The following NFIA variants were observed in gnomAD, a reference collection of about 807,000 sequenced individuals.
The protein encoded by NFIA is nuclear factor I A, also known as nuclear factor 1 A-type.
In NFIA, 8 loss-of-function variants were observed where a neutral mutation model predicts 62.8. The ratio of observed to expected loss-of-function variants is 0.13; its 90% CI spans 0.07 to 0.23. The LOEUF (loss-of-function observed/expected upper bound fraction) is 0.23. Among genes scored for constraint, NFIA ranks in the 10% least tolerant of loss-of-function variants. NFIA has a pLI of 1.00. For synonymous variants in NFIA, 235 were observed against 238.1 expected (o/e 0.99, Z 0.12); for missense variants, 410 against 642.1 (o/e 0.64, Z 3.91).
chr1:61,338,169 G>A (rs1661714599), intron 4 of NFIA, among the ~76,000 whole-genome samples: 1 of 152,204 alleles, frequency 6.6e-6, no homozygotes, highest in South Asian at 2.1e-4. Flanking sequence ...TCAGTACACT[G>A]TGGCCAGCCT....
At chr1:61,335,451 TC>T (rs1661551710) in intron 4 of NFIA, among the ~76,000 whole-genome samples, 1 of 152,136 alleles carries the variant, frequency 6.6e-6, no homozygotes, top group South Asian at 2.1e-4. Context: ...TCTTCCTTGT[TC>T]CCCCATGTGG....
rs1569931721 is a variant in NFIA at position 61,456,359 on chromosome 1, A to C, written c.*1039A>C. 7.3e-6 allele frequency: 1 copy of C among 136,474 alleles called. No individual in the cohort carries two copies. The highest frequency in any genetic ancestry group is 2.2e-4 in the East Asian group (1 of 4,476). The allele number at this position is 136,474 out of a possible 1,614,324, so 8.5% of individuals were successfully genotyped here. On this transcript the variant is annotated 3_prime_UTR_variant, in exon 11 of 11. Coordinates refer to ENST00000403491, the MANE Select transcript of NFIA (RefSeq NM_001134673.4). ...TTATTGTTAAACTTGTATCCCTTTA[A>C]AAACTGAAGGAAATTAAAAAAAAAA... is the stretch of plus-strand genomic sequence containing the variant.
intron 2 of NFIA, among the ~76,000 whole-genome samples, chr1:61,110,255 CTT>C (rs34192655): frequency 1.5e-4 from 21 of 143,666 alleles, no homozygotes; most frequent in East Asian, 2.0e-4. Context: ...TACTTGTTCA[CTT>C]TTTTTTTTTT....
chr1:61,420,160 A>T (rs2100545760), intron 9 of NFIA, among the ~76,000 whole-genome samples: 1 of 152,316 alleles, frequency 6.6e-6, no homozygotes. Context: ...TATTACTAAT[A>T]CTAACCCAGG....
At chr1:61,331,856 G>A (rs1185705961) in intron 3 of NFIA, among the ~76,000 whole-genome samples, 3 of 152,084 alleles carry the variant, frequency 2.0e-5, no homozygotes, top group Admixed American at 6.5e-5. Flanking sequence ...AACAAAGTTC[G>A]AAGATTAATC....
At chr1:61,361,958 G>T (rs532352683) in intron 6 of NFIA, among the ~76,000 whole-genome samples, 270 of 152,214 alleles carry the variant, frequency 1.8e-3, no homozygotes, top group Middle Eastern at 3.4e-3. Flanking sequence ...ATAGAGGACA[G>T]TGGATAAACG....
At chr1:61,381,435 T>C (rs560958000) in intron 6 of NFIA, among the ~76,000 whole-genome samples, 1 of 152,264 alleles carries the variant, frequency 6.6e-6, no homozygotes, top group African/African-American at 2.4e-5. Flanking sequence ...GTGTGACTGG[T>C]TACTGATTCA....
At chr1:61,388,456 G>T (rs148265185) in intron 7 of NFIA, among the ~76,000 whole-genome samples, 1 of 152,258 alleles carries the variant, frequency 6.6e-6, no homozygotes, top group East Asian at 1.9e-4. Context: ...ACTTGTTAGA[G>T]AATTATTTAG....
chr1:61,168,345 C>T (rs1649725844), intron 2 of NFIA, among the ~76,000 whole-genome samples: 2 of 152,106 alleles, frequency 1.3e-5, no homozygotes, highest in African/African-American at 4.8e-5. Flanking sequence ...AATTGGCTGT[C>T]TCTGCGTGTG....
chr1:61,277,157 A>ATG (rs1462016706), intron 2 of NFIA, among the ~76,000 whole-genome samples: 6 of 152,194 alleles, frequency 3.9e-5, no homozygotes, highest in Non-Finnish European at 7.3e-5. Flanking sequence ...CAAGCTTCAG[A>ATG]TGTGTGTAAT....
At chr1:61,166,374 CA>C (rs1271103950) in intron 2 of NFIA, among the ~76,000 whole-genome samples, 4 of 152,164 alleles carry the variant, frequency 2.6e-5, no homozygotes, top group African/African-American at 9.7e-5. Context: ...GTATTCATTA[CA>C]TTTTGGAGTT....
intron 2 of NFIA, among the ~76,000 whole-genome samples, chr1:61,168,148 G>A (rs1178275003): frequency 6.6e-6 from 1 of 151,928 alleles, no homozygotes; most frequent in Non-Finnish European, 1.5e-5. Context: ...GTTAACTTGG[G>A]GCATTAATAA....
intron 2 of NFIA, among the ~76,000 whole-genome samples, chr1:61,265,720 C>A (rs912640360): frequency 3.3e-5 from 5 of 152,192 alleles, no homozygotes; most frequent in Middle Eastern, 3.4e-3. Flanking sequence ...AGATTAAATT[C>A]TTTGAGGATA....
At chr1:61,380,430 G>C (rs1184667962) in intron 6 of NFIA, among the ~76,000 whole-genome samples, 1 of 152,128 alleles carries the variant, frequency 6.6e-6, no homozygotes, top group Non-Finnish European at 1.5e-5. Flanking sequence ...TTTTGTAACA[G>C]TTGTGCATAA....
intron 4 of NFIA, among the ~76,000 whole-genome samples, chr1:61,333,960 A>G (rs1044253686): frequency 2.6e-5 from 4 of 152,178 alleles, no homozygotes; most frequent in African/African-American, 9.7e-5. Context: ...AGATCACACT[A>G]CCACACTCCA....
chr1:61,435,027 T>G (rs1667267055), intron 10 of NFIA, among the ~76,000 whole-genome samples: 1 of 152,164 alleles, frequency 6.6e-6, no homozygotes. Context: ...TGCATGGAAC[T>G]TAGAAAACCA....
chr1:61,385,647 T>C (rs1664641379), intron 7 of NFIA, among the ~76,000 whole-genome samples: 1 of 152,144 alleles, frequency 6.6e-6, no homozygotes, highest in Admixed American at 6.5e-5. Flanking sequence ...ATTACTGTCA[T>C]GGGCACTTCC....
chr1:61,406,085 A>G (rs1054216417), intron 8 of NFIA, among the ~76,000 whole-genome samples: 14 of 152,196 alleles, frequency 9.2e-5, no homozygotes, highest in African/African-American at 3.4e-4. Flanking sequence ...TCAAGTGCAT[A>G]TTTAGGAAAA....
intron 2 of NFIA, among the ~76,000 whole-genome samples, chr1:61,180,471 C>T (rs927097446): frequency 9.2e-5 from 14 of 152,122 alleles, no homozygotes; most frequent in African/African-American, 3.4e-4. Flanking sequence ...ATTAAACATA[C>T]AAAAGTCCTA....
Sources: gnomAD v4.1 joint callset for allele counts (sites outside exome capture counted in the v4.1 genomes callset) on GRCh38, gnomAD v4.1.1 for gene constraint, MANE v1.5 for transcripts, NCBI Gene and HGNC (gene_info 2026-07-23, HGNC 2026-07-21) for gene names.